UBE2D4: variants seen among roughly 807,000 people sequenced by gnomAD.
UBE2D4 encodes the protein ubiquitin-conjugating enzyme E2 D4.
In UBE2D4, 17 loss-of-function variants were observed where a neutral mutation model predicts 23.0. The observed-to-expected ratio is 0.74, with a 90% CI of 0.51 to 1.11. UBE2D4 has a LOEUF of 1.11. Among genes scored for constraint, UBE2D4 ranks in the 50% least tolerant of loss-of-function variants. The probability of loss-of-function intolerance (pLI) is 0.00; values close to 1 mark genes in which losing one functional copy is unlikely to be tolerated. For missense variants in UBE2D4, 139 were observed against 181.8 expected (o/e 0.76, Z 1.35); for synonymous variants, 61 against 69.4 (o/e 0.88, Z 0.60).
In UBE2D4 at chr7:43,943,043, C is replaced by T. The variant is rs546054352; in HGVS notation, c.198+12C>T. The stretch of plus-strand genomic sequence containing the variant: ...TCAAGCCCCCAAAGGTGAGGTCCCT[C>T]TCCCAACTCCCCTGATGTTTGGATG... On this transcript the variant is annotated intron_variant, in intron 4 of 6. Transcript: ENST00000222402. 28 of 1,613,002 alleles carry T rather than the reference C, an allele frequency of 1.7e-5. No homozygotes were observed. Among genetic ancestry groups the T allele is most frequent in the African/African-American group, 2.7e-5 (2 of 74,882 alleles).
chr7:43,952,950 ATC>A lies in UBE2D4; in HGVS notation c.*265_*266del, dbSNP rs533432428. ...CTGCAGTCTTCCTGGTGACACTGGA[ATC>A]TCTCTCTCTGCCGCCTCAGTTTGTC... On this transcript the variant is annotated 3_prime_UTR_variant, in exon 7 of 7. Transcript: ENST00000222402. 2.3e-5 allele frequency: 10 copies of A among 439,902 alleles called. No homozygotes were observed. The highest frequency in any genetic ancestry group is 4.7e-5 in the East Asian group (1 of 21,264). 27.2% of individuals were successfully genotyped at this position (439,902 alleles called of 1,614,324 possible).
In UBE2D4 at chr7:43,940,030, C is replaced by A. The variant is rs140685382; in HGVS notation, c.88+1536C>A. Among the ~76,000 whole-genome samples, 1,020 of 152,172 alleles carry A rather than the reference C, an allele frequency of 6.7e-3. 14 individuals are homozygous for A. The highest frequency in any genetic ancestry group is 0.023 in the African/African-American group (974 of 41,494). On this transcript the variant is annotated intron_variant, in intron 2 of 6. Transcript: ENST00000222402. ...TGCATATTTTATTATATATTTTTAA[C>A]TACAATAAAAAGAAATTTCACAAAG...
intron 4 of UBE2D4, 37 bp from the exon 5 acceptor site, chr7:43,948,595 T>G: frequency 7.3e-7 from 1 of 1,377,532 alleles, no homozygotes; most frequent in Non-Finnish European, 1.0e-6. Context: ...CACACGTCCC[T>G]GTGGTTTGTC....
At position 43,952,989 on chromosome 7, in the gene UBE2D4, TGGGGG is replaced by T; in HGVS notation, c.*296_*300del. On this transcript the variant is annotated 3_prime_UTR_variant, in exon 7 of 7. Coordinates refer to ENST00000222402, the MANE Select transcript of UBE2D4 (RefSeq NM_015983.4). The stretch of plus-strand genomic sequence containing the variant: ...CGCCTCAGTTTGTCTGCTGGTCTCT[TGGGGG>T]GCCAGGCCCTGCACGTCTCTCCTAC... The T allele has an allele frequency of 2.5e-6, 1 of 404,488 alleles. No individual in the cohort carries two copies. The highest frequency in any genetic ancestry group is 4.8e-6 in the Non-Finnish European group (1 of 209,678). 25.1% of individuals were successfully genotyped at this position (404,488 alleles called of 1,614,324 possible).
intron 1 of UBE2D4, among the ~76,000 whole-genome samples, chr7:43,937,325 A>G (rs1276566009): frequency 1.3e-5 from 2 of 152,232 alleles, no homozygotes; most frequent in Non-Finnish European, 2.9e-5. Context: ...TGAGGGGCAC[A>G]TAGCAGAGAG....
intron 6 of UBE2D4, chr7:43,951,864 G>A (rs962803162): frequency 3.3e-5 from 5 of 152,128 alleles, no homozygotes; most frequent in Non-Finnish European, 7.3e-5. Context: ...GACCTTTATA[G>A]ATCTTATTAT....
At chr7:43,943,847 A>G (rs535466211) in intron 4 of UBE2D4, 3 of 152,602 alleles carry the variant, frequency 2.0e-5, no homozygotes, top group African/African-American at 7.2e-5. Context: ...CCTGAGGCTC[A>G]TAGTCCTGTG....
chr7:43,952,505 C>G (rs1158425616), intron 6 of UBE2D4, 145 bp from the exon 7 acceptor site: 2 of 742,888 alleles, frequency 2.7e-6, no homozygotes, highest in Admixed American at 1.9e-5. Context: ...CCAGGGAAAG[C>G]CTTTATTCCA....
intron 5 of UBE2D4, 99 bp from the exon 6 acceptor site, chr7:43,950,500 G>A: frequency 1.1e-6 from 1 of 877,524 alleles, no homozygotes; most frequent in Non-Finnish European, 1.9e-6. Context: ...GAAGACAACT[G>A]CTTGGTCAAA....
At chr7:43,942,174 G>A (rs2095974491) in intron 2 of UBE2D4, 1 of 153,424 alleles carries the variant, frequency 6.5e-6, no homozygotes, top group South Asian at 2.1e-4. Context: ...AAATTAGCCA[G>A]ATGTGGTGGC....
At chr7:43,951,660 A>G (rs2096002753) in intron 6 of UBE2D4, among the ~76,000 whole-genome samples, 3 of 152,096 alleles carry the variant, frequency 2.0e-5, no homozygotes, top group Admixed American at 6.5e-5. Flanking sequence ...CCTCCTGAGT[A>G]GCTGGGACTA....
At chr7:43,929,476 G>A (rs888305006) in intron 1 of UBE2D4, among the ~76,000 whole-genome samples, 8 of 150,970 alleles carry the variant, frequency 5.3e-5, no homozygotes, top group African/African-American at 9.7e-5. Flanking sequence ...TTAGCCAAGC[G>A]TGGTGACACA....
Position 43,950,579 on chromosome 7 carries a change from A to C in UBE2D4, c.305-20A>C, listed in dbSNP as rs1209352930. On this transcript the variant is annotated intron_variant, in intron 5 of 6. Transcript: ENST00000222402. ...GCAGCTTCGTGGCTACAGCTGACCA[A>C]CCTTTTCTTTTCTTCCCAGTTCTCT... 6 of 1,611,108 alleles carry C rather than the reference A, an allele frequency of 3.7e-6. No individual in the cohort carries two copies. The highest frequency in any genetic ancestry group is 3.3e-5 in the Admixed American group (2 of 59,986).
intron 1 of UBE2D4, among the ~76,000 whole-genome samples, chr7:43,931,446 A>AAAAC (rs755430219): frequency 1.7e-4 from 26 of 152,314 alleles, no homozygotes; most frequent in African/African-American, 5.8e-4. Context: ...CGTATCTTAA[A>AAAAC]AAACAAACAA....
At chr7:43,936,440 A>G (rs763387582) in intron 1 of UBE2D4, among the ~76,000 whole-genome samples, 2 of 152,066 alleles carry the variant, frequency 1.3e-5, no homozygotes, top group African/African-American at 2.4e-5. Flanking sequence ...GTTACTTGTA[A>G]TAGTAATTAC....
intron 1 of UBE2D4, among the ~76,000 whole-genome samples, chr7:43,931,695 TTTTATTTA>T (rs199991945): frequency 6.6e-6 from 1 of 150,686 alleles, no homozygotes; most frequent in East Asian, 2.0e-4. Context: ...TGCTCCACAC[TTTTATTTA>T]TTTATTTATT....
intron 4 of UBE2D4, among the ~76,000 whole-genome samples, chr7:43,945,230 T>A (rs2095983207): frequency 6.6e-6 from 1 of 152,170 alleles, no homozygotes; most frequent in Non-Finnish European, 1.5e-5. Flanking sequence ...TGACCTCAGG[T>A]GATCCGCCCA....
At chr7:43,943,220 C>T in intron 4 of UBE2D4, 189 bp downstream of exon 4, 1 of 633,002 alleles carries the variant, frequency 1.6e-6, no homozygotes. Context: ...CTGTTGTGAT[C>T]AAGGGTCAGT....
intron 4 of UBE2D4, among the ~76,000 whole-genome samples, chr7:43,945,352 T>C (rs2095983571): frequency 6.6e-6 from 1 of 152,184 alleles, no homozygotes; most frequent in Admixed American, 6.5e-5. Context: ...GGGATTATTT[T>C]AACAAGGAGA....
Sources: allele counts gnomAD v4.1 joint callset (sites outside exome capture counted in the v4.1 genomes callset), GRCh38; gene constraint gnomAD v4.1.1; transcripts MANE v1.5; gene names NCBI Gene and HGNC (gene_info 2026-07-23, HGNC 2026-07-21).